The following GALNTL6 variants were observed in gnomAD, a reference collection of about 807,000 sequenced individuals.
The protein encoded by GALNTL6 is polypeptide N-acetylgalactosaminyltransferase like 6.
A neutral mutation model predicts 73.7 loss-of-function variants in GALNTL6; 46 were observed. The ratio of observed to expected loss-of-function variants is 0.62; its 90% CI spans 0.49 to 0.80. GALNTL6 has a LOEUF of 0.80. Ranked by LOEUF, GALNTL6 falls within the 30% of genes least tolerant of loss-of-function variation. The probability of loss-of-function intolerance (pLI) is 0.00; values close to 1 mark genes in which losing one functional copy is unlikely to be tolerated. For synonymous variants in GALNTL6, 259 were observed against 263.7 expected (o/e 0.98, Z 0.17); for missense variants, 604 against 755.0 (o/e 0.80, Z 2.34).
chr4:172,440,409 G>A (rs946535961), intron 5 of GALNTL6, among the ~76,000 whole-genome samples: 1 of 152,084 alleles, frequency 6.6e-6, no homozygotes, highest in Non-Finnish European at 1.5e-5. Flanking sequence ...TATGATTCCA[G>A]CTATATGACA....
chr4:172,376,474 G>A (rs1743034418), intron 5 of GALNTL6, among the ~76,000 whole-genome samples: 2 of 152,192 alleles, frequency 1.3e-5, no homozygotes, highest in East Asian at 1.9e-4. Flanking sequence ...AGGAAAAGTG[G>A]AAGCTGGTTC....
At chr4:171,974,991 T>A (rs1283374023) in intron 2 of GALNTL6, among the ~76,000 whole-genome samples, 1 of 152,132 alleles carries the variant, frequency 6.6e-6, no homozygotes, top group Non-Finnish European at 1.5e-5. Context: ...ATCATCTGAG[T>A]CTATTATTAC....
At chr4:172,920,861 T>C (rs888981207) in intron 8 of GALNTL6, among the ~76,000 whole-genome samples, 2 of 152,184 alleles carry the variant, frequency 1.3e-5, no homozygotes, top group Admixed American at 1.3e-4. Context: ...GTACCATGTG[T>C]CAGGCACTGT....
chr4:172,173,511 G>A (rs538829856), intron 2 of GALNTL6, among the ~76,000 whole-genome samples: 11 of 152,302 alleles, frequency 7.2e-5, no homozygotes, highest in South Asian at 2.1e-4. Flanking sequence ...AACCTTCTGC[G>A]TGGGCCAACC....
At chr4:172,587,026 CAAG>C (rs1737437525) in intron 5 of GALNTL6, among the ~76,000 whole-genome samples, 2 of 152,108 alleles carry the variant, frequency 1.3e-5, no homozygotes, top group Non-Finnish European at 2.9e-5. Flanking sequence ...TTATTGCTTA[CAAG>C]CATAAAATTA....
chr4:172,972,184 AG>A (rs1579727095), intron 10 of GALNTL6, among the ~76,000 whole-genome samples: 1 of 152,206 alleles, frequency 6.6e-6, no homozygotes, highest in Non-Finnish European at 1.5e-5. Context: ...AGAAACAGAA[AG>A]AAACATGCTA....
chr4:172,410,355 A>AT (rs1744387201), intron 5 of GALNTL6, among the ~76,000 whole-genome samples: 1 of 152,014 alleles, frequency 6.6e-6, no homozygotes, highest in South Asian at 2.1e-4. Flanking sequence ...CTATTATATA[A>AT]TTTTTTAATT....
intron 5 of GALNTL6, among the ~76,000 whole-genome samples, chr4:172,521,125 T>C (rs1349703382): frequency 6.6e-6 from 1 of 152,116 alleles, no homozygotes; most frequent in Non-Finnish European, 1.5e-5. Context: ...TGATAATATC[T>C]GTAATAATAC....
chr4:172,570,681 G>A (rs1736727993), intron 5 of GALNTL6, among the ~76,000 whole-genome samples: 1 of 152,230 alleles, frequency 6.6e-6, no homozygotes, highest in African/African-American at 2.4e-5. Context: ...CCAGTGGTGG[G>A]GGTGGTGCGG....
At chr4:171,877,801 TAAC>T (rs1051077085) in intron 2 of GALNTL6, among the ~76,000 whole-genome samples, 2 of 152,200 alleles carry the variant, frequency 1.3e-5, no homozygotes, top group Non-Finnish European at 2.9e-5. Context: ...TTTTAAATGA[TAAC>T]AAAATAATGA....
At chr4:172,259,201 G>C (rs562623443) in intron 3 of GALNTL6, among the ~76,000 whole-genome samples, 22 of 151,440 alleles carry the variant, frequency 1.5e-4, no homozygotes, top group Non-Finnish European at 2.7e-4. Context: ...CATAGTGCTT[G>C]TACTAGTTTA....
intron 5 of GALNTL6, among the ~76,000 whole-genome samples, chr4:172,571,733 A>T (rs1461211469): frequency 3.9e-5 from 6 of 152,232 alleles, no homozygotes; most frequent in African/African-American, 1.4e-4. Context: ...CAAATTATGA[A>T]GCCCTACTTT....
chr4:171,973,450 G>C (rs952564096), intron 2 of GALNTL6, among the ~76,000 whole-genome samples: 16 of 152,168 alleles, frequency 1.1e-4, no homozygotes, highest in Non-Finnish European at 2.1e-4. Context: ...AGGCCTGGGG[G>C]TTCCTTGGCT....
chr4:172,272,611 G>T (rs1485334666), intron 3 of GALNTL6, among the ~76,000 whole-genome samples: 1 of 152,092 alleles, frequency 6.6e-6, no homozygotes, highest in African/African-American at 2.4e-5. Flanking sequence ...AGTCCAAAAT[G>T]GTTTGTGGTG....
chr4:172,302,402 G>T (rs1020555870), intron 3 of GALNTL6, among the ~76,000 whole-genome samples: 2 of 152,140 alleles, frequency 1.3e-5, no homozygotes, highest in African/African-American at 2.4e-5. Context: ...ACAATCCCCA[G>T]TGAGATGCAC....
At chr4:172,381,206 A>ATT in intron 5 of GALNTL6, among the ~76,000 whole-genome samples, 1 of 152,334 alleles carries the variant, frequency 6.6e-6, no homozygotes, top group Admixed American at 6.5e-5. Context: ...CTTTGGATGA[A>ATT]ACAAATGATT....
At position 171,831,262 on chromosome 4, in the gene GALNTL6, A is replaced by T. The variant is rs1035087080; in HGVS notation, c.138+16544A>T. 2.6e-5 allele frequency among the ~76,000 whole-genome samples: 4 copies of T among 152,060 alleles called. No individual in the cohort carries two copies. The East Asian group carries it at 7.7e-4, about 29-fold the overall frequency. ...GCAAGGAGAGAAAGGGAGAAAAATC[A>T]AAGGTAAAACATGCGAAAGAGATTA... is the stretch of plus-strand genomic sequence containing the variant. On this transcript the variant is annotated intron_variant, in intron 2 of 12. Transcript: ENST00000506823.
intron 5 of GALNTL6, among the ~76,000 whole-genome samples, chr4:172,567,356 G>T (rs183622532): frequency 1.3e-5 from 2 of 152,080 alleles, no homozygotes; most frequent in African/African-American, 4.8e-5. Flanking sequence ...TGTCCTGCTT[G>T]TGCCCTGATA....
At chr4:171,866,742 C>A (rs541771702) in intron 2 of GALNTL6, among the ~76,000 whole-genome samples, 39 of 152,172 alleles carry the variant, frequency 2.6e-4, no homozygotes, top group African/African-American at 9.4e-4. Flanking sequence ...CTGCTGACTT[C>A]AGTCTGTTGT....
Sources: gnomAD v4.1 joint callset for allele counts (sites outside exome capture counted in the v4.1 genomes callset) on GRCh38, gnomAD v4.1.1 for gene constraint, MANE v1.5 for transcripts, NCBI Gene and HGNC (gene_info 2026-07-23, HGNC 2026-07-21) for gene names.